BARX2: variants seen among roughly 807,000 people sequenced by gnomAD.
The protein encoded by BARX2 is homeobox protein BarH-like 2.
BARX2 carries 11 observed loss-of-function variants against 25.5 expected under a neutral mutation model. That is an observed-to-expected ratio of 0.43 (90% CI 0.27 to 0.71). The LOEUF (loss-of-function observed/expected upper bound fraction) is 0.71. Among genes scored for constraint, BARX2 ranks in the 30% least tolerant of loss-of-function variants. The pLI is 0.19. For synonymous variants in BARX2, 137 were observed against 149.5 expected (o/e 0.92, Z 0.61); for missense variants, 360 against 359.9 (o/e 1.00, Z 0.00).
In BARX2 at chr11:129,436,512, T is replaced by A; in HGVS notation, c.188-239T>A. 1 of 411,790 alleles carries A rather than the reference T, an allele frequency of 2.4e-6. No individual in the cohort carries two copies. The allele number at this position is 411,790 out of a possible 1,614,324, so 25.5% of individuals were successfully genotyped here. A position where few individuals can be genotyped will look rare whatever the true frequency, so the allele number is the denominator to read the frequency against. ...AAAGATCTGCTTAAAACCAGAGGACTTGCAGGAACCTCTTCTGGGCCGTGG... is the reference window on the plus strand; with the variant it reads ...AAAGATCTGCTTAAAACCAGAGGACATGCAGGAACCTCTTCTGGGCCGTGG... On this transcript the variant is annotated intron_variant, in intron 1 of 3. Coordinates refer to ENST00000281437, the MANE Select transcript of BARX2 (RefSeq NM_003658.5). The surrounding 1 kb of genome is among the most constrained non-coding windows in gnomAD (Gnocchi z 4.5).
chr11:129,441,014 C>T (rs1862251127), intron 2 of BARX2, among the ~76,000 whole-genome samples: 1 of 152,242 alleles, frequency 6.6e-6, no homozygotes, highest in Non-Finnish European at 1.5e-5. Context: ...GGCAGTGAGG[C>T]AGCTTATGTT....
Position 129,393,021 on chromosome 11 carries a change from A to G in BARX2, c.187+16799A>G, listed in dbSNP as rs545948077. The stretch of plus-strand genomic sequence containing the variant: ...AATGGTTGTTCATGCCTGTAATCCT[A>G]GGACTGTGAGAGGCCAAGACAGGAG... On this transcript the variant is annotated intron_variant, in intron 1 of 3. Transcript: ENST00000281437. Among the ~76,000 whole-genome samples the G allele has an allele frequency of 3.3e-5, 5 of 152,306 alleles. No homozygotes were observed. The East Asian group carries it at 7.7e-4, about 24-fold the overall frequency.
chr11:129,420,411 C>T (rs2135403093), intron 1 of BARX2, among the ~76,000 whole-genome samples: 1 of 152,384 alleles, frequency 6.6e-6, no homozygotes, highest in African/African-American at 2.4e-5. Flanking sequence ...CTCGTTTTCT[C>T]TCCTCTGGAG....
intron 1 of BARX2, among the ~76,000 whole-genome samples, chr11:129,419,812 ACT>A (rs1861984245): frequency 6.6e-6 from 1 of 151,674 alleles, no homozygotes; most frequent in Non-Finnish European, 1.5e-5. Context: ...ATGGAGTCTC[ACT>A]CTGTCGTCCA....
At chr11:129,426,360 T>C (rs1862062688) in intron 1 of BARX2, among the ~76,000 whole-genome samples, 1 of 151,942 alleles carries the variant, frequency 6.6e-6, no homozygotes, top group Non-Finnish European at 1.5e-5. Context: ...TGTATCTGTT[T>C]TCCATGCTGG....
chr11:129,398,929 T>A (rs1861749063), intron 1 of BARX2, among the ~76,000 whole-genome samples: 1 of 152,202 alleles, frequency 6.6e-6, no homozygotes, highest in Admixed American at 6.5e-5. Flanking sequence ...TGGGGATAAC[T>A]GTGTTTTGTT....
intron 3 of BARX2, among the ~76,000 whole-genome samples, chr11:129,446,547 G>A (rs1052169195): frequency 6.6e-5 from 10 of 152,146 alleles, no homozygotes; most frequent in South Asian, 2.1e-4. Flanking sequence ...TGTTATTGCC[G>A]TTATTATTAT....
At chr11:129,385,810 A>G (rs1861611842) in intron 1 of BARX2, among the ~76,000 whole-genome samples, 1 of 152,244 alleles carries the variant, frequency 6.6e-6, no homozygotes, top group African/African-American at 2.4e-5. Context: ...TTTTCATAAC[A>G]TGAAGATTGA....
intron 3 of BARX2, among the ~76,000 whole-genome samples, chr11:129,446,224 C>T (rs1355835399): frequency 1.3e-5 from 2 of 152,158 alleles, no homozygotes; most frequent in African/African-American, 4.8e-5. Flanking sequence ...TCTCTTTGAG[C>T]TCTAAAATGC....
At chr11:129,427,094 C>T (rs911951601) in intron 1 of BARX2, among the ~76,000 whole-genome samples, 1 of 152,180 alleles carries the variant, frequency 6.6e-6, no homozygotes, top group Admixed American at 6.5e-5. Context: ...AATTAATCTA[C>T]TTTAATTTGG....
chr11:129,427,185 T>C (rs1565518837), intron 1 of BARX2, among the ~76,000 whole-genome samples: 1 of 152,188 alleles, frequency 6.6e-6, no homozygotes, highest in Non-Finnish European at 1.5e-5. Context: ...TTCACATACA[T>C]TAATGCCGTT....
intron 1 of BARX2, among the ~76,000 whole-genome samples, chr11:129,403,445 T>C (rs556987613): frequency 6.6e-6 from 1 of 152,292 alleles, no homozygotes; most frequent in East Asian, 1.9e-4. Context: ...GCCTTTACTC[T>C]TGCACCACCA....
intron 1 of BARX2, among the ~76,000 whole-genome samples, chr11:129,410,510 G>T (rs1347020998): frequency 6.6e-6 from 1 of 152,114 alleles, no homozygotes; most frequent in Non-Finnish European, 1.5e-5. Flanking sequence ...AGTGACTTGG[G>T]CCGTCTCTTT....
intron 1 of BARX2, among the ~76,000 whole-genome samples, chr11:129,427,702 C>A (rs1219734958): frequency 1.3e-5 from 2 of 152,114 alleles, no homozygotes. Context: ...AGGGCAGAAA[C>A]TGTACTTGGG....
chr11:129,392,446 A>T (rs148874757), intron 1 of BARX2, among the ~76,000 whole-genome samples: 43 of 152,348 alleles, frequency 2.8e-4, no homozygotes, highest in African/African-American at 9.6e-4. Flanking sequence ...CACTTCCAAG[A>T]AAAGTATGTG....
chr11:129,430,026 A>G (rs931821338), intron 1 of BARX2, among the ~76,000 whole-genome samples: 2 of 151,456 alleles, frequency 1.3e-5, no homozygotes, highest in African/African-American at 4.9e-5. Flanking sequence ...CCCCCCATAC[A>G]TTGTGTTCCC....
At chr11:129,437,530 TGAG>T (rs1862206238) in intron 2 of BARX2, 1 of 985,254 alleles carries the variant, frequency 1.0e-6, no homozygotes, top group Non-Finnish European at 1.2e-6. Context: ...GGGATCCAGT[TGAG>T]GAGGTCAGAC....
intron 3 of BARX2, among the ~76,000 whole-genome samples, chr11:129,449,732 G>A (rs991125108): frequency 2.0e-5 from 3 of 152,176 alleles, no homozygotes; most frequent in African/African-American, 7.2e-5. Context: ...CTAGGGAAAG[G>A]TTTGTTGAGA....
chr11:129,447,448 C>G (rs1289619038), intron 3 of BARX2, among the ~76,000 whole-genome samples: 1 of 152,086 alleles, frequency 6.6e-6, no homozygotes, highest in Non-Finnish European at 1.5e-5. Context: ...TAAACTGGCT[C>G]TAAGAATAAA....
Sources: allele counts gnomAD v4.1 joint callset (sites outside exome capture counted in the v4.1 genomes callset), GRCh38; gene constraint gnomAD v4.1.1; non-coding constraint Gnocchi (gnomAD v3.1); transcripts MANE v1.5; gene names NCBI Gene and HGNC (gene_info 2026-07-23, HGNC 2026-07-21).